The following AK4 variants were observed in gnomAD, a reference collection of about 807,000 sequenced individuals.
AK4 encodes adenylate kinase 4.
Under a neutral mutation model 24.6 loss-of-function variants are expected in AK4, and 13 were observed. The observed-to-expected ratio is 0.53, with a 90% confidence interval of 0.34 to 0.84. The LOEUF (loss-of-function observed/expected upper bound fraction) is 0.84. AK4 is among the 40% of genes least tolerant of loss of function. AK4 has a pLI of 0.01. For synonymous variants in AK4, 88 were observed against 107.0 expected (o/e 0.82, Z 1.10); for missense variants, 192 against 288.2 (o/e 0.67, Z 2.42).
intron 2 of AK4, among the ~76,000 whole-genome samples, chr1:65,196,434 T>C (rs7516366): frequency 0.42 from 64,435 of 152,054 alleles, 15,626 homozygotes; most frequent in African/African-American, 0.68. Flanking sequence ...TTCCCTTCAC[T>C]GTGCTTTCCA....
chr1:65,181,666 G>A (rs1203460109), intron 1 of AK4, among the ~76,000 whole-genome samples: 4 of 152,168 alleles, frequency 2.6e-5, no homozygotes, highest in African/African-American at 9.7e-5. Context: ...GGGATTACAA[G>A]TGTGAGTCAC....
chr1:65,218,079 GTATT>G (rs1182298580), intron 2 of AK4, among the ~76,000 whole-genome samples: 1 of 152,204 alleles, frequency 6.6e-6, no homozygotes, highest in Non-Finnish European at 1.5e-5. Context: ...GTACAATACA[GTATT>G]TATGATAGTC....
intron 1 of AK4, among the ~76,000 whole-genome samples, chr1:65,161,217 C>T (rs1201942481): frequency 6.6e-6 from 1 of 152,048 alleles, no homozygotes; most frequent in Non-Finnish European, 1.5e-5. Flanking sequence ...TGCTTTTCAT[C>T]ATAATGGTAA....
At chr1:65,220,825 T>G (rs1375920363) in intron 3 of AK4, among the ~76,000 whole-genome samples, 1 of 152,180 alleles carries the variant, frequency 6.6e-6, no homozygotes, top group African/African-American at 2.4e-5. Context: ...GATCCCATTT[T>G]TGTAAAACAG....
At chr1:65,190,959 A>G (rs892090545) in intron 2 of AK4, 130 bp downstream of exon 2, 8 of 1,190,292 alleles carry the variant, frequency 6.7e-6, no homozygotes, top group Admixed American at 3.4e-5. Flanking sequence ...TAATATTGCA[A>G]TTTGGCAACA....
At position 65,228,433 on chromosome 1, in the gene AK4, T is replaced by G. The variant is rs1017516251; in HGVS notation, c.*2256T>G. ...GCTAAATGGACAATTCTAGCCAACA[T>G]TGAGTCACTCAATAAGTCTCAACAG... On this transcript the variant is annotated 3_prime_UTR_variant, in exon 5 of 5. Transcript: ENST00000327299. 6.6e-6 allele frequency: 1 copy of G among 152,098 alleles called. No homozygotes were observed. The highest frequency in any genetic ancestry group is 6.6e-5 in the Admixed American group (1 of 15,264). The allele number at this position is 152,098 out of a possible 1,614,324, so 9.4% of individuals were successfully genotyped here.
intron 2 of AK4, among the ~76,000 whole-genome samples, chr1:65,209,911 G>A (rs566946986): frequency 1.3e-5 from 2 of 152,040 alleles, no homozygotes; most frequent in Non-Finnish European, 2.9e-5. Context: ...GGACTCAAGC[G>A]ATCCTCCTGC....
At chr1:65,220,767 C>T (rs1213613882) in intron 3 of AK4, among the ~76,000 whole-genome samples, 15 of 152,180 alleles carry the variant, frequency 9.9e-5, no homozygotes, top group Non-Finnish European at 1.3e-4. Flanking sequence ...CGAGCCACTG[C>T]GCATGGCCCT....
At chr1:65,215,623 T>G (rs1260785540) in intron 2 of AK4, among the ~76,000 whole-genome samples, 2 of 152,174 alleles carry the variant, frequency 1.3e-5, no homozygotes, top group African/African-American at 4.8e-5. Flanking sequence ...TGGAATTAAT[T>G]ATCATCTGTG....
intron 4 of AK4, among the ~76,000 whole-genome samples, chr1:65,225,444 C>T (rs370376567): frequency 6.6e-6 from 1 of 152,118 alleles, no homozygotes; most frequent in African/African-American, 2.4e-5. Flanking sequence ...GGCACGCAGG[C>T]CAATGATTCC....
intron 1 of AK4, among the ~76,000 whole-genome samples, chr1:65,187,921 G>T (rs199859269): frequency 2.6e-5 from 4 of 152,104 alleles, no homozygotes; most frequent in Non-Finnish European, 5.9e-5. Flanking sequence ...TGTCTTTCTT[G>T]TTCCGCCTTT....
chr1:65,170,473 C>G (rs1205058671), intron 1 of AK4, among the ~76,000 whole-genome samples: 2 of 152,242 alleles, frequency 1.3e-5, no homozygotes, highest in Non-Finnish European at 2.9e-5. Flanking sequence ...GTTTCAAACA[C>G]TGCTGGAGCT....
intron 1 of AK4, among the ~76,000 whole-genome samples, chr1:65,184,978 C>A (rs188892969): frequency 1.0e-3 from 157 of 152,278 alleles, no homozygotes; most frequent in African/African-American, 3.7e-3. Flanking sequence ...GCACTTAGAT[C>A]TTTCAATTAG....
chr1:65,147,808 C>T (rs1649612609), upstream of AK4: 1 of 152,976 alleles, frequency 6.5e-6, no homozygotes, highest in Admixed American at 6.5e-5. Context: ...GCGGCGGCAG[C>T]TGAGACTCCG....
At chr1:65,176,624 C>T (rs1650724211) in intron 1 of AK4, among the ~76,000 whole-genome samples, 1 of 152,162 alleles carries the variant, frequency 6.6e-6, no homozygotes, top group African/African-American at 2.4e-5. Flanking sequence ...GGAGGCTAGT[C>T]CTCTACCCTT....
intron 1 of AK4, among the ~76,000 whole-genome samples, chr1:65,171,652 T>A (rs1189112103): frequency 6.6e-6 from 1 of 152,150 alleles, no homozygotes; most frequent in Non-Finnish European, 1.5e-5. Flanking sequence ...GTTGATCGTT[T>A]GCCTAAAATA....
In AK4 at chr1:65,152,316, A is replaced by ATCTCTC. The variant is rs1158775260; in HGVS notation, c.145+3804_145+3809dup. On this transcript the variant is annotated intron_variant, in intron 1 of 4. Transcript: ENST00000327299. ...GAACAAACCTGTTTCTGCACTTGCTATCTCTCTCTCTCTCTCTCTCTCTCT... is the reference window on the plus strand; with the variant it reads ...GAACAAACCTGTTTCTGCACTTGCTATCTCTCTCTCTCTCTCTCTCTCTCTCTCTCT... 4.8e-3 allele frequency among the ~76,000 whole-genome samples: 156 copies of ATCTCTC among 32,438 alleles called. 2 individuals carry two copies. Among genetic ancestry groups the ATCTCTC allele is most frequent in the Middle Eastern group, 0.038 (1 of 26 alleles). The allele number at this position is 32,438 out of a possible 152,430, so 21.3% of individuals were successfully genotyped here. A position where few individuals can be genotyped will look rare whatever the true frequency, so the allele number is the denominator to read the frequency against.
intron 1 of AK4, among the ~76,000 whole-genome samples, chr1:65,178,727 C>A (rs1200768072): frequency 6.6e-6 from 1 of 152,096 alleles, no homozygotes; most frequent in East Asian, 1.9e-4. Flanking sequence ...TTGGGGTGTC[C>A]ACCTCTGTCT....
In AK4 at chr1:65,148,313, C is replaced by G; in HGVS notation, c.-95C>G. ...CGAGTCCCAGTGAGAGCGGAGGGTG[C>G]CAGAGGTAGGGGGCCGAGAAACAAA... On this transcript the variant is annotated 5_prime_UTR_variant, in exon 1 of 5. Transcript: ENST00000327299. 6.9e-7 allele frequency: 1 copy of G among 1,454,052 alleles called. No homozygotes were observed. Among genetic ancestry groups the G allele is most frequent in the Non-Finnish European group, 9.1e-7 (1 of 1,101,776 alleles). 90.1% of individuals were successfully genotyped at this position (1,454,052 alleles called of 1,614,324 possible). A position where few individuals can be genotyped will look rare whatever the true frequency, so the allele number is the denominator to read the frequency against.
Sources: gnomAD v4.1 joint callset for allele counts (sites outside exome capture counted in the v4.1 genomes callset) on GRCh38, gnomAD v4.1.1 for gene constraint, MANE v1.5 for transcripts, NCBI Gene and HGNC (gene_info 2026-07-23, HGNC 2026-07-21) for gene names.